RAB9B: variants seen among roughly 807,000 people sequenced by gnomAD.
The protein encoded by RAB9B is RAB9B, member RAS oncogene family.
RAB9B carries 1 observed loss-of-function variant against 8.9 expected under a neutral mutation model. The observed-to-expected ratio is 0.11, with a 90% confidence interval of 0.04 to 0.53. The LOEUF is 0.53. Ranked by LOEUF, RAB9B falls within the 20% of genes least tolerant of loss-of-function variation. The pLI, the probability that RAB9B is intolerant of heterozygous loss-of-function variation, is 0.93. For synonymous variants in RAB9B, 63 were observed against 57.0 expected, an observed-to-expected ratio of 1.10 and a Z score of -0.47; for missense variants, 82 against 152.9, an observed-to-expected ratio of 0.54 and a Z score of 2.45.
At chrX:103,783,966 T>C in the RAB9B span, among the ~76,000 whole-genome samples, 2 of 112,313 alleles carry the variant, frequency 1.8e-5, no homozygotes, top group Non-Finnish European at 3.8e-5. Context: ...TATACATACA[T>C]ATGAATTAAG....
the RAB9B span, among the ~76,000 whole-genome samples, chrX:103,816,453 C>T: frequency 9.8e-5 from 11 of 111,742 alleles, no homozygotes; most frequent in South Asian, 3.7e-4. Context: ...AAGTCTTAAA[C>T]GTAAGACCTA....
the RAB9B span, among the ~76,000 whole-genome samples, chrX:103,795,877 T>TA: frequency 2.7e-5 from 3 of 109,270 alleles, no homozygotes; most frequent in African/African-American, 9.9e-5. Flanking sequence ...TCAGCTTTCC[T>TA]AAAAAAAAAA....
Position 103,825,448 on chromosome X carries a change from C to T in RAB9B, c.337G>A (p.Asp113Asn). The T allele has an allele frequency of 8.3e-7, 1 of 1,211,703 alleles. No individual in the cohort carries two copies. Among genetic ancestry groups the T allele is most frequent in the Non-Finnish European group, 1.1e-6 (1 of 895,514 alleles). ...KEFIYYADVK[D>N]PEHFPFVVLG... ...ACTACAAAGGGGAAATGCTCAGGGT[C>T]CTTCACATCCGCATAGTAAATAAAT... Residue 113 changes from aspartate (D) to asparagine (N), a missense_variant, in exon 3 of 3, where the codon GAC becomes AAC. Coordinates refer to ENST00000243298, the MANE Select transcript of RAB9B (RefSeq NM_016370.4).
At chrX:103,829,464 A>T (rs189594693) in intron 1 of RAB9B, among the ~76,000 whole-genome samples, 19 of 112,290 alleles carry the variant, frequency 1.7e-4, no homozygotes, top group Admixed American at 1.6e-3. Flanking sequence ...CCTTCATTCA[A>T]TCCTGCTGAT....
At chrX:103,812,302 T>C in the RAB9B span, among the ~76,000 whole-genome samples, 2 of 111,412 alleles carry the variant, frequency 1.8e-5, no homozygotes, top group East Asian at 5.6e-4. Context: ...TAGGGAGATA[T>C]ATTCAGCCAA....
the RAB9B span, chrX:103,785,665 G>A: frequency 1.7e-6 from 2 of 1,209,193 alleles, no homozygotes; most frequent in East Asian, 3.0e-5. Context: ...CTTTGGGGTG[G>A]CACTGTTCTG....
downstream of RAB9B, among the ~76,000 whole-genome samples, chrX:103,818,716 G>T (rs1015936531): frequency 9.0e-6 from 1 of 111,560 alleles, no homozygotes; most frequent in Admixed American, 9.5e-5. Flanking sequence ...ATTACAGTGT[G>T]TGCAGTATCA....
At chrX:103,796,484 A>AATG in the RAB9B span, among the ~76,000 whole-genome samples, 1 of 110,338 alleles carries the variant, frequency 9.1e-6, no homozygotes, top group African/African-American at 3.3e-5. Flanking sequence ...TAATAATAAT[A>AATG]ATAATTGCCT....
At chrX:103,807,489 C>A in the RAB9B span, among the ~76,000 whole-genome samples, 1 of 112,147 alleles carries the variant, frequency 8.9e-6, no homozygotes, top group Admixed American at 9.4e-5. Context: ...TCACCCCAGC[C>A]CCCACTCCTC....
the RAB9B span, among the ~76,000 whole-genome samples, chrX:103,807,920 G>A: frequency 4.4e-5 from 5 of 112,382 alleles, no homozygotes; most frequent in Non-Finnish European, 7.5e-5. Flanking sequence ...TGAGCACTGA[G>A]CAGTCATAGA....
In RAB9B at chrX:103,824,705, T is replaced by C. The variant is rs2074676305; in HGVS notation, c.*474A>G. 8.9e-6 allele frequency: 1 copy of C among 112,256 alleles called. No homozygotes were observed. Among genetic ancestry groups the C allele is most frequent in the Non-Finnish European group, 1.9e-5 (1 of 53,615 alleles). 9.3% of individuals were successfully genotyped at this position (112,256 alleles called of 1,213,427 possible). On this transcript the variant is annotated 3_prime_UTR_variant, in exon 3 of 3. Transcript: ENST00000243298. Reference sequence around the variant, plus strand: ...CAAGCCTAGGAATCCTTATTTGCATTATTATTTTTATTGTAATACAGCTCA... The same window carrying C: ...CAAGCCTAGGAATCCTTATTTGCATCATTATTTTTATTGTAATACAGCTCA...
the RAB9B span, among the ~76,000 whole-genome samples, chrX:103,815,160 A>T: frequency 8.9e-6 from 1 of 112,355 alleles, no homozygotes; most frequent in Admixed American, 9.4e-5. Context: ...TTAGGCCAGT[A>T]TCCCTGATGA....
the RAB9B span, chrX:103,786,399 C>A: frequency 3.5e-6 from 4 of 1,138,559 alleles, no homozygotes; most frequent in Non-Finnish European, 4.8e-6. Context: ...TCACTTATGT[C>A]GGGAAAGAAG....
In RAB9B at chrX:103,825,623, G is replaced by T; in HGVS notation, c.162C>A (p.Arg54=). The change falls in exon 3 of 3, where the codon CGC becomes CGA. Residue 54 remains arginine, a synonymous_variant. Coordinates refer to ENST00000243298, the MANE Select transcript of RAB9B (RefSeq NM_016370.4). ...FLNRDLEVDG[R]FVTLQIWDTA... ...TGTCCCAGATCTGGAGGGTTACAAA[G>T]CGTCCATCTACCTCCAGATCTCGAT... The T allele has an allele frequency of 5.8e-6, 7 of 1,210,262 alleles. No individual in the cohort carries two copies. The highest frequency in any genetic ancestry group is 7.8e-6 in the Non-Finnish European group (7 of 894,295).
chrX:103,831,805 C>G (rs1328394968), intron 1 of RAB9B, among the ~76,000 whole-genome samples: 2 of 110,318 alleles, frequency 1.8e-5, no homozygotes, highest in African/African-American at 3.3e-5. Flanking sequence ...GAGCCACACC[C>G]GCTCCCCACG....
intron 2 of RAB9B, among the ~76,000 whole-genome samples, chrX:103,826,226 G>A (rs1381259044): frequency 8.9e-6 from 1 of 112,043 alleles, no homozygotes; most frequent in Non-Finnish European, 1.9e-5. Context: ...TTTGAAGTCT[G>A]CTCCTGATGG....
At chrX:103,806,466 A>G in the RAB9B span, among the ~76,000 whole-genome samples, 4 of 111,700 alleles carry the variant, frequency 3.6e-5, no homozygotes, top group Non-Finnish European at 7.5e-5. Flanking sequence ...TATTCTTTAG[A>G]TAATGTAAAT....
chrX:103,824,987 T>C lies in RAB9B; in HGVS notation c.*192A>G, dbSNP rs976268229. On this transcript the variant is annotated 3_prime_UTR_variant, in exon 3 of 3. Transcript: ENST00000243298. Reference sequence around the variant, plus strand: ...ATCACGCAAAATACACTTGGCTTGATAGAGCTTCATTTTTTTTAATTTTTA... The same window carrying C: ...ATCACGCAAAATACACTTGGCTTGACAGAGCTTCATTTTTTTTAATTTTTA... The C allele has an allele frequency of 7.1e-6, 3 of 423,011 alleles. No individual in the cohort carries two copies. Among genetic ancestry groups the C allele is most frequent in the African/African-American group, 5.1e-5 (2 of 39,560 alleles). The allele number at this position is 423,011 out of a possible 1,213,427, so 34.9% of individuals were successfully genotyped here.
At chrX:103,805,772 A>C in the RAB9B span, among the ~76,000 whole-genome samples, 3 of 110,201 alleles carry the variant, frequency 2.7e-5, no homozygotes, top group African/African-American at 9.8e-5. Flanking sequence ...AATTAAAAAA[A>C]TTCTTTAAGG....
Sources: gnomAD v4.1 joint callset for allele counts (sites outside exome capture counted in the v4.1 genomes callset) on GRCh38, gnomAD v4.1.1 for gene constraint, MANE v1.5 for transcripts, NCBI Gene and HGNC (gene_info 2026-07-23, HGNC 2026-07-21) for gene names.